LRIF1: variants seen among roughly 807,000 people sequenced by gnomAD.
The protein encoded by LRIF1 is ligand dependent nuclear receptor interacting factor 1.
LRIF1 carries 32 observed loss-of-function variants against 52.7 expected under a neutral mutation model. The observed-to-expected ratio is 0.61, with a 90% CI of 0.46 to 0.82. LRIF1 has a LOEUF of 0.82. Ranked by LOEUF, LRIF1 falls within the 40% of genes least tolerant of loss-of-function variation. The pLI, the probability that LRIF1 is intolerant of heterozygous loss-of-function variation, is 0.00. For missense variants in LRIF1, 887 were observed against 892.0 expected (o/e 0.99, Z 0.07); for synonymous variants, 323 against 317.4 (o/e 1.02, Z -0.19).
chr1:110,948,794 A>G (rs542482076), intron 3 of LRIF1, among the ~76,000 whole-genome samples: 1 of 152,348 alleles, frequency 6.6e-6, no homozygotes, highest in East Asian at 1.9e-4. Flanking sequence ...AGTTCAGAAT[A>G]TTACATGATA....
chr1:110,919,219 T>C, the LRIF1 span, among the ~76,000 whole-genome samples: 1 of 151,830 alleles, frequency 6.6e-6, no homozygotes, highest in Non-Finnish European at 1.5e-5. Flanking sequence ...TGGGTGTGTC[T>C]GTGAGGGTGT....
At chr1:110,883,308 AGAT>A in the LRIF1 span, among the ~76,000 whole-genome samples, 1 of 151,988 alleles carries the variant, frequency 6.6e-6, no homozygotes, top group African/African-American at 2.4e-5. Flanking sequence ...GTATCTATTG[AGAT>A]GATAATTTAT....
the LRIF1 span, among the ~76,000 whole-genome samples, chr1:110,893,140 T>C: frequency 1.3e-5 from 2 of 152,228 alleles, no homozygotes; most frequent in African/African-American, 4.8e-5. Flanking sequence ...GTAAGCACAG[T>C]GCCTGTAGAG....
the LRIF1 span, among the ~76,000 whole-genome samples, chr1:110,918,084 T>C: frequency 6.6e-6 from 1 of 152,182 alleles, no homozygotes; most frequent in Non-Finnish European, 1.5e-5. Context: ...AAAATTGACT[T>C]TCTTAAATTT....
chr1:110,962,991 T>C (rs1482824179), intron 1 of LRIF1, among the ~76,000 whole-genome samples: 2 of 152,144 alleles, frequency 1.3e-5, no homozygotes, highest in African/African-American at 2.4e-5. Context: ...TTAGAAATAC[T>C]GGACTCTCCT....
chr1:110,883,500 C>T, the LRIF1 span, among the ~76,000 whole-genome samples: 1 of 151,688 alleles, frequency 6.6e-6, no homozygotes, highest in Non-Finnish European at 1.5e-5. Context: ...GAACATTGGC[C>T]CGTGGTTTTA....
At chr1:110,893,069 C>A in the LRIF1 span, among the ~76,000 whole-genome samples, 4 of 152,186 alleles carry the variant, frequency 2.6e-5, no homozygotes, top group Admixed American at 2.6e-4. Flanking sequence ...ATGCTACAGC[C>A]TTTTGCATGT....
the LRIF1 span, chr1:110,940,791 C>T: frequency 6.6e-6 from 1 of 152,088 alleles, no homozygotes; most frequent in Admixed American, 6.6e-5. Context: ...AACAATTGAA[C>T]TCATGGAGAT....
intron 2 of LRIF1, among the ~76,000 whole-genome samples, chr1:110,950,664 A>C (rs1409988586): frequency 6.6e-6 from 1 of 152,138 alleles, no homozygotes; most frequent in African/African-American, 2.4e-5. Flanking sequence ...CTATGTGGGC[A>C]TGTTGGGTAA....
At chr1:110,927,180 C>A in the LRIF1 span, among the ~76,000 whole-genome samples, 3 of 152,140 alleles carry the variant, frequency 2.0e-5, no homozygotes, top group South Asian at 4.1e-4. Context: ...GCGATAATTT[C>A]TTTGTAAATT....
the LRIF1 span, among the ~76,000 whole-genome samples, chr1:110,920,803 T>C: frequency 5.8e-3 from 879 of 152,206 alleles, 12 homozygotes; most frequent in African/African-American, 0.02. Context: ...ATATAGAAAA[T>C]TCGTACTTTC....
At chr1:110,917,637 T>G in the LRIF1 span, among the ~76,000 whole-genome samples, 1 of 87,286 alleles carries the variant, frequency 1.1e-5, no homozygotes, top group Admixed American at 1.1e-4. Context: ...TTTTTTTGTT[T>G]TTTTGTTTTT....
chr1:110,946,890 C>T (rs188488420), downstream of LRIF1, among the ~76,000 whole-genome samples: 1 of 152,202 alleles, frequency 6.6e-6, no homozygotes, highest in Non-Finnish European at 1.5e-5. Flanking sequence ...CTCCTGACCT[C>T]AGGTGATCCG....
the LRIF1 span, among the ~76,000 whole-genome samples, chr1:110,889,970 G>T: frequency 4.6e-5 from 7 of 152,162 alleles, no homozygotes; most frequent in Non-Finnish European, 8.8e-5. Context: ...TAAAGGAAAA[G>T]GATATGAGAT....
the LRIF1 span, chr1:110,894,547 T>G: frequency 1.6e-6 from 1 of 615,856 alleles, no homozygotes; most frequent in Non-Finnish European, 2.8e-6. Context: ...GTAATTGTAA[T>G]TGGGGGGAAA....
At chr1:110,876,389 C>A in the LRIF1 span, among the ~76,000 whole-genome samples, 1 of 152,108 alleles carries the variant, frequency 6.6e-6, no homozygotes, top group Non-Finnish European at 1.5e-5. Flanking sequence ...TTAACATAAG[C>A]AAACATAAAA....
intron 1 of LRIF1, among the ~76,000 whole-genome samples, chr1:110,962,939 G>C (rs1659022788): frequency 6.6e-6 from 1 of 150,942 alleles, no homozygotes; most frequent in East Asian, 1.9e-4. Context: ...CAAAAACTAA[G>C]TTACTGATCA....
At chr1:110,954,469 C>G (rs1658613574) in intron 1 of LRIF1, among the ~76,000 whole-genome samples, 1 of 152,012 alleles carries the variant, frequency 6.6e-6, no homozygotes, top group Non-Finnish European at 1.5e-5. Flanking sequence ...TTTATAGAGG[C>G]AAAGTTTTGC....
chr1:110,917,652 T>G, the LRIF1 span, among the ~76,000 whole-genome samples: 105 of 150,090 alleles, frequency 7.0e-4, 2 homozygotes, highest in Admixed American at 2.3e-3. Flanking sequence ...GTTTTTGTTT[T>G]TTTTTTTTGG....
Sources: gnomAD v4.1 joint callset for allele counts (sites outside exome capture counted in the v4.1 genomes callset) on GRCh38, gnomAD v4.1.1 for gene constraint, MANE v1.5 for transcripts, NCBI Gene and HGNC (gene_info 2026-07-23, HGNC 2026-07-21) for gene names.